The following DCUN1D4 variants were observed in gnomAD, a reference collection of about 807,000 sequenced individuals.
DCUN1D4 encodes the protein DCN1-like protein 4.
A neutral mutation model predicts 47.9 loss-of-function variants in DCUN1D4; 22 were observed. The observed-to-expected ratio is 0.46, with a 90% CI of 0.33 to 0.66. The LOEUF is 0.66. DCUN1D4 is among the 30% of genes least tolerant of loss of function. The pLI, the probability that DCUN1D4 is intolerant of heterozygous loss-of-function variation, is 0.02. For missense variants in DCUN1D4, 301 were observed against 340.8 expected, an observed-to-expected ratio of 0.88 and a Z score of 0.92; for synonymous variants, 121 against 112.2, an observed-to-expected ratio of 1.08 and a Z score of -0.50.
At chr4:51,856,467 TTTAATA>T (rs1474027448) in intron 1 of DCUN1D4, among the ~76,000 whole-genome samples, 1 of 152,224 alleles carries the variant, frequency 6.6e-6, no homozygotes, top group Non-Finnish European at 1.5e-5. Context: ...AATTTTTTTC[TTTAATA>T]TTAAATTACT....
At chr4:51,881,637 A>G (rs1013022389) in intron 5 of DCUN1D4, among the ~76,000 whole-genome samples, 4 of 149,526 alleles carry the variant, frequency 2.7e-5, no homozygotes, top group African/African-American at 9.8e-5. Context: ...GGCATTTTAT[A>G]GCTTATTATT....
chr4:51,864,684 G>A (rs1303256688), intron 3 of DCUN1D4, among the ~76,000 whole-genome samples: 2 of 152,118 alleles, frequency 1.3e-5, no homozygotes, highest in Admixed American at 6.5e-5. Context: ...TTTTATAAGG[G>A]CACTAATTCC....
Position 51,914,004 on chromosome 4 carries a change from A to G in DCUN1D4, c.*420A>G, listed in dbSNP as rs1734082320. On this transcript the variant is annotated 3_prime_UTR_variant, in exon 11 of 11. Coordinates refer to ENST00000334635, the MANE Select transcript of DCUN1D4 (RefSeq NM_001040402.3). ...TCTCCTATGTAGCATTTCAGAAAAC[A>G]AGAGAAAACTGTTACCATGAACAAA... 6.4e-6 allele frequency: 1 copy of G among 156,872 alleles called. No individual in the cohort carries two copies. Among genetic ancestry groups the G allele is most frequent in the Non-Finnish European group, 1.4e-5 (1 of 70,962 alleles). 9.7% of individuals were successfully genotyped at this position (156,872 alleles called of 1,614,324 possible).
chr4:51,876,935 T>C lies in DCUN1D4; in HGVS notation c.252-828T>C, dbSNP rs111692612. Among the ~76,000 whole-genome samples, 241 of 152,326 alleles carry C rather than the reference T, an allele frequency of 1.6e-3. 4 individuals carry two copies. The highest frequency in any genetic ancestry group is 5.5e-3 in the African/African-American group (229 of 41,568). On this transcript the variant is annotated intron_variant, in intron 4 of 10. Coordinates refer to ENST00000334635, the MANE Select transcript of DCUN1D4 (RefSeq NM_001040402.3). ...TAAGTAAGGGATATAAAAATGTATATACTTATAATTTTTATATCCATATCA... is the reference window on the plus strand; with the variant it reads ...TAAGTAAGGGATATAAAAATGTATACACTTATAATTTTTATATCCATATCA...
At chr4:51,886,470 G>T in intron 5 of DCUN1D4, 98 bp from the exon 6 acceptor site, 1 of 1,006,110 alleles carries the variant, frequency 9.9e-7, no homozygotes, top group East Asian at 2.6e-5. Context: ...GGAGTTAATG[G>T]CCTTTAAGTC....
At chr4:51,893,127 A>G (rs1730709558) in intron 7 of DCUN1D4, among the ~76,000 whole-genome samples, 1 of 152,226 alleles carries the variant, frequency 6.6e-6, no homozygotes, top group Non-Finnish European at 1.5e-5. Flanking sequence ...GGGATCGGTG[A>G]TGTGTGAATG....
At chr4:51,851,237 T>G (rs1723314203) in intron 1 of DCUN1D4, among the ~76,000 whole-genome samples, 1 of 152,124 alleles carries the variant, frequency 6.6e-6, no homozygotes, top group Admixed American at 6.6e-5. Context: ...CTTCAGGAGC[T>G]TCCTTCAGTG....
chr4:51,902,499 T>G (rs562624700), intron 8 of DCUN1D4, among the ~76,000 whole-genome samples: 1 of 152,356 alleles, frequency 6.6e-6, no homozygotes, highest in East Asian at 1.9e-4. Flanking sequence ...GTAATGTCTC[T>G]CTTTATCTCT....
chr4:51,899,260 G>A lies in DCUN1D4; in HGVS notation c.507-10G>A, dbSNP rs748667724. The A allele has an allele frequency of 1.3e-6, 2 of 1,583,614 alleles. No homozygotes were observed. The highest frequency in any genetic ancestry group is 8.5e-7 in the Non-Finnish European group (1 of 1,169,890). On this transcript the variant is annotated splice_polypyrimidine_tract_variant and intron_variant, in intron 7 of 10. Coordinates refer to ENST00000334635, the MANE Select transcript of DCUN1D4 (RefSeq NM_001040402.3). ...TCAGGTCATAATTTGCCTTTATTCT[G>A]TTTTTCTAGATGTGATACAACAGAA...
At position 51,916,108 on chromosome 4, in the gene DCUN1D4, T is replaced by C. The variant is rs920402310; in HGVS notation, c.*2524T>C. ...CTGGCTAATGTTGAATAAATTAGGG[T>C]GCCTTCATCTGGGTTTTCTTTAGTA... On this transcript the variant is annotated 3_prime_UTR_variant, in exon 11 of 11. Transcript: ENST00000334635. 3.3e-5 allele frequency: 5 copies of C among 152,054 alleles called. No individual in the cohort carries two copies. The highest frequency in any genetic ancestry group is 7.4e-5 in the Non-Finnish European group (5 of 67,980). The allele number at this position is 152,054 out of a possible 1,614,324, so 9.4% of individuals were successfully genotyped here.
chr4:51,910,839 C>T, intron 8 of DCUN1D4: 1 of 541,732 alleles, frequency 1.8e-6, no homozygotes, highest in Non-Finnish European at 3.2e-6. Flanking sequence ...GGTGATCATT[C>T]AGTTGACATA....
At chr4:51,890,096 A>G (rs761256853) in intron 6 of DCUN1D4, among the ~76,000 whole-genome samples, 6 of 152,136 alleles carry the variant, frequency 3.9e-5, no homozygotes, top group Non-Finnish European at 8.8e-5. Flanking sequence ...ACTCCCCTGC[A>G]TGTAAATTAG....
chr4:51,877,682 G>C, intron 4 of DCUN1D4, 81 bp from the exon 5 acceptor site: 1 of 839,216 alleles, frequency 1.2e-6, no homozygotes. Context: ...TGTCTGGTTT[G>C]GGTAAAAGAA....
chr4:51,837,654 CAAAAAAAAAAAAA>C, the DCUN1D4 span, among the ~76,000 whole-genome samples: 2 of 46,180 alleles, frequency 4.3e-5, no homozygotes, highest in African/African-American at 8.3e-5. Flanking sequence ...GACTCCGTCT[CAAAAAAAAAAAAA>C]AAAAAAAAAA....
At chr4:51,837,654 C>CAA in the DCUN1D4 span, among the ~76,000 whole-genome samples, 77 of 46,186 alleles carry the variant, frequency 1.7e-3, 4 homozygotes, top group Middle Eastern at 0.023. Flanking sequence ...GACTCCGTCT[C>CAA]AAAAAAAAAA....
chr4:51,911,672 T>G (rs1733733139), intron 9 of DCUN1D4, among the ~76,000 whole-genome samples: 1 of 152,166 alleles, frequency 6.6e-6, no homozygotes, highest in African/African-American at 2.4e-5. Flanking sequence ...CAATATCTCC[T>G]TCAGTTTAAA....
chr4:51,904,889 T>C (rs139251487), intron 8 of DCUN1D4, among the ~76,000 whole-genome samples: 1 of 152,334 alleles, frequency 6.6e-6, no homozygotes, highest in East Asian at 1.9e-4. Context: ...AATCACACTT[T>C]AATGAAAATT....
intron 5 of DCUN1D4, among the ~76,000 whole-genome samples, chr4:51,883,912 TTAA>T (rs1369930348): frequency 1.3e-5 from 2 of 151,296 alleles, no homozygotes; most frequent in African/African-American, 2.4e-5. Context: ...TGTTTATGTA[TTAA>T]TGTACAAAAC....
rs562639789 is a variant in DCUN1D4 at position 51,888,716 on chromosome 4, T to TC, written c.414+2080dup. ...TCCAGCCTGGGCAACAGAGCAGGAC[T>TC]CCATCTCCAAAAAAAAAAAAAAAAA... is the stretch of plus-strand genomic sequence containing the variant. On this transcript the variant is annotated intron_variant, in intron 6 of 10. Coordinates refer to ENST00000334635, the MANE Select transcript of DCUN1D4 (RefSeq NM_001040402.3). Among the ~76,000 whole-genome samples, 40 of 129,772 alleles carry TC rather than the reference T, an allele frequency of 3.1e-4. 1 individual carries two copies. The South Asian group carries it at 9.8e-3, about 32-fold the overall frequency. 85.1% of individuals were successfully genotyped at this position (129,772 alleles called of 152,430 possible).
Sources: gnomAD v4.1 joint callset for allele counts (sites outside exome capture counted in the v4.1 genomes callset) on GRCh38, gnomAD v4.1.1 for gene constraint, MANE v1.5 for transcripts, NCBI Gene and HGNC (gene_info 2026-07-23, HGNC 2026-07-21) for gene names.